Variants in POLN observed in about 807,000 individuals in gnomAD.
POLN encodes DNA polymerase nu.
In POLN, 108 loss-of-function variants were observed where a neutral mutation model predicts 113.5. The observed-to-expected ratio is 0.95, with a 90% CI of 0.81 to 1.12. The LOEUF is 1.12. Ranked by LOEUF, POLN falls within the 50% of genes most tolerant of loss-of-function variation. The pLI is 0.00. For synonymous variants in POLN, 386 were observed against 391.5 expected (o/e 0.99, Z 0.17); for missense variants, 1,097 against 1,077.1 (o/e 1.02, Z -0.26).
intron 16 of POLN, among the ~76,000 whole-genome samples, chr4:2,148,084 T>C (rs1040804754): frequency 1.3e-5 from 2 of 152,194 alleles, no homozygotes; most frequent in Non-Finnish European, 2.9e-5. Flanking sequence ...AAGTGCAGGA[T>C]GTTATAATAC....
intron 3 of POLN, chr4:2,228,011 A>C (rs1734442784): frequency 6.6e-6 from 1 of 152,464 alleles, no homozygotes. Flanking sequence ...GTATATAAGC[A>C]ACAGATGCCT....
At chr4:2,174,512 C>G (rs1206933430) in intron 10 of POLN, among the ~76,000 whole-genome samples, 179 bp downstream of exon 10, 1 of 152,118 alleles carries the variant, frequency 6.6e-6, no homozygotes, top group Non-Finnish European at 1.5e-5. Flanking sequence ...CTTTCCACAC[C>G]AAGAGGGAAT....
intron 2 of POLN, among the ~76,000 whole-genome samples, chr4:2,234,989 G>A (rs1396908754): frequency 2.6e-5 from 4 of 152,278 alleles, no homozygotes; most frequent in East Asian, 3.9e-4. Flanking sequence ...GGGTTCAAGG[G>A]ATTCTCCTGT....
At chr4:2,170,532 C>T in intron 13 of POLN, 147 bp downstream of exon 13, 5 of 636,786 alleles carry the variant, frequency 7.9e-6, no homozygotes, top group Non-Finnish European at 1.4e-5. Context: ...GAAAAGCAAC[C>T]TTGGTGTGGG....
In POLN at chr4:2,232,193, C is replaced by T. The variant is rs762054851; in HGVS notation, c.-12-2950G>A. 8.3e-6 allele frequency: 8 copies of T among 967,434 alleles called. No homozygotes were observed. The Admixed American group carries it at 8.8e-5, about 11-fold the overall frequency. 59.9% of individuals were successfully genotyped at this position (967,434 alleles called of 1,614,324 possible). A position where few individuals can be genotyped will look rare whatever the true frequency, so the allele number is the denominator to read the frequency against. On this transcript the variant is annotated intron_variant, in intron 2 of 25. Transcript: ENST00000511885. ...AGGAAAATAAAAATAAAAATTAAAA[C>T]ACTTTATTCCTAATACCAATTATAA...
intron 4 of POLN, among the ~76,000 whole-genome samples, chr4:2,209,225 T>C (rs1733929881): frequency 6.6e-6 from 1 of 152,118 alleles, no homozygotes; most frequent in South Asian, 2.1e-4. Context: ...CTCACACCTG[T>C]AATCCCAATA....
At chr4:2,096,581 T>G (rs188600856) in intron 19 of POLN, among the ~76,000 whole-genome samples, 33 of 151,424 alleles carry the variant, frequency 2.2e-4, no homozygotes, top group African/African-American at 8.0e-4. Flanking sequence ...CAGCCTGACA[T>G]GTACCCTCGG....
intron 4 of POLN, 63 bp downstream of exon 4, chr4:2,212,983 TA>T (rs1051953150): frequency 1.8e-5 from 21 of 1,189,548 alleles, no homozygotes; most frequent in Non-Finnish European, 2.5e-5. Context: ...GTAGAACACT[TA>T]ATAAGCATCT....
At chr4:2,072,356 T>C in intron 25 of POLN, 57 bp from the exon 26 acceptor site, 1 of 1,429,500 alleles carries the variant, frequency 7.0e-7, no homozygotes, top group Non-Finnish European at 9.3e-7. Context: ...CCCAGCCACC[T>C]CCCAGACCCC....
At chr4:2,075,323 C>G (rs1730249700) in intron 24 of POLN, 129 bp downstream of exon 24, 1 of 1,013,468 alleles carries the variant, frequency 9.9e-7, no homozygotes, top group Non-Finnish European at 1.4e-6. Context: ...GACACAGCAG[C>G]AATGAGGTGG....
chr4:2,215,497 C>T (rs1024183748), intron 3 of POLN, among the ~76,000 whole-genome samples: 3 of 152,208 alleles, frequency 2.0e-5, no homozygotes, highest in African/African-American at 4.8e-5. Flanking sequence ...CATGGTCCTA[C>T]AGATGTGTCT....
At chr4:2,234,889 AT>A (rs1317993588) in intron 2 of POLN, among the ~76,000 whole-genome samples, 1 of 152,040 alleles carries the variant, frequency 6.6e-6, no homozygotes, top group Non-Finnish European at 1.5e-5. Flanking sequence ...ACATGGAGAA[AT>A]TTTCTTCTTT....
At position 2,170,694 on chromosome 4, in the gene POLN, A is replaced by G. The variant is rs2108746985; in HGVS notation, c.1539T>C (p.Ser513=). Residue 513 remains serine (S), a synonymous_variant, in exon 13 of 26, where the codon TCT becomes TCC. Coordinates refer to ENST00000511885, the MANE Select transcript of POLN (RefSeq NM_181808.4). ...GAAACCTTACCACTGCTTCTGATGT[A>G]GACGGGTATTTCTGCAACCCCGTTC... ...LPRTGLQKYP[S]TSEAVLNALR... is the part of the protein sequence containing the mutation. The G allele has an allele frequency of 6.2e-7, 1 of 1,613,532 alleles. No homozygotes were observed. The highest frequency in any genetic ancestry group is 8.5e-7 in the Non-Finnish European group (1 of 1,179,404).
chr4:2,159,082 T>G, intron 14 of POLN, 73 bp downstream of exon 14: 1 of 1,147,402 alleles, frequency 8.7e-7, no homozygotes, highest in Non-Finnish European at 1.3e-6. Flanking sequence ...TATGGATTTG[T>G]GTTGACAGAC....
intron 5 of POLN, among the ~76,000 whole-genome samples, chr4:2,205,746 A>G (rs1378720453): frequency 6.6e-6 from 1 of 151,784 alleles, no homozygotes; most frequent in Non-Finnish European, 1.5e-5. Flanking sequence ...GGTGGCACGC[A>G]CCTCCCAAGT....
At chr4:2,193,640 T>C (rs758012946) in intron 6 of POLN, among the ~76,000 whole-genome samples, 3 of 152,188 alleles carry the variant, frequency 2.0e-5, no homozygotes, top group African/African-American at 7.2e-5. Context: ...GGCCCCAAGA[T>C]GACTCTCTAG....
Position 2,240,302 on chromosome 4 carries a change from A to G in POLN, c.-13+1218T>C, listed in dbSNP as rs529211977. 2.7e-5 allele frequency: 43 copies of G among 1,610,628 alleles called. 1 individual carries two copies. In the South Asian group the frequency reaches 4.3e-4, roughly 16 times the overall value. On this transcript the variant is annotated intron_variant, in intron 2 of 25. Coordinates refer to ENST00000511885, the MANE Select transcript of POLN (RefSeq NM_181808.4). ...GAAAGAACTGTTTTTTGGTATACAA[A>G]GTTAATGCTGCTGTGCTTTGCTCTT...
intron 10 of POLN, among the ~76,000 whole-genome samples, chr4:2,174,238 G>T (rs572566488): frequency 2.0e-5 from 3 of 152,238 alleles, no homozygotes; most frequent in African/African-American, 7.2e-5. Flanking sequence ...GGGAGTGGGC[G>T]AGGGGACCGC....
intron 16 of POLN, among the ~76,000 whole-genome samples, chr4:2,150,008 G>A (rs772589578): frequency 4.6e-5 from 7 of 151,846 alleles, no homozygotes; most frequent in Admixed American, 1.3e-4. Context: ...GCTTGAACCC[G>A]GGAGGCAGAG....
Sources: gnomAD v4.1 joint callset for allele counts (sites outside exome capture counted in the v4.1 genomes callset) on GRCh38, gnomAD v4.1.1 for gene constraint, MANE v1.5 for transcripts, NCBI Gene and HGNC (gene_info 2026-07-23, HGNC 2026-07-21) for gene names.